NDUFAF2: variants seen among roughly 807,000 people sequenced by gnomAD.
NDUFAF2 encodes the protein NADH dehydrogenase [ubiquinone] 1 alpha subcomplex assembly factor 2.
In NDUFAF2, 13 loss-of-function variants were observed where a neutral mutation model predicts 22.8. The observed-to-expected ratio is 0.57, with a 90% CI of 0.37 to 0.91. The LOEUF is 0.91. Ranked by LOEUF, NDUFAF2 falls within the 40% of genes least tolerant of loss-of-function variation. The pLI is 0.01. For synonymous variants in NDUFAF2, 53 were observed against 64.2 expected (o/e 0.83, Z 0.84); for missense variants, 162 against 195.2 (o/e 0.83, Z 1.01).
rs150972394 is a variant in NDUFAF2 at position 60,956,585 on chromosome 5, T to C, written c.127+11203T>C. Among the ~76,000 whole-genome samples, 1,264 of 152,306 alleles carry C rather than the reference T, an allele frequency of 8.3e-3. 20 individuals are homozygous for C. Among genetic ancestry groups the C allele is most frequent in the African/African-American group, 0.029 (1,193 of 41,576 alleles). ...ACTGAATTTTGTTAAATGCGTTTCC[T>C]GCATCTATTGAGATGGTCATACAGT... is the stretch of plus-strand genomic sequence containing the variant. On this transcript the variant is annotated intron_variant, in intron 1 of 3. Transcript: ENST00000296597.
chr5:60,946,607 T>G (rs1210768892), intron 1 of NDUFAF2, among the ~76,000 whole-genome samples: 1 of 152,248 alleles, frequency 6.6e-6, no homozygotes, highest in Non-Finnish European at 1.5e-5. Context: ...TTCCATAAGT[T>G]GTCAGTAAAA....
chr5:61,047,033 G>A (rs1251889419), intron 1 of NDUFAF2, among the ~76,000 whole-genome samples: 1 of 152,096 alleles, frequency 6.6e-6, no homozygotes, highest in African/African-American at 2.4e-5. Flanking sequence ...GAGCGCTAGG[G>A]CTAATACGAA....
intron 1 of NDUFAF2, among the ~76,000 whole-genome samples, chr5:61,043,703 ATGTG>A (rs201326548): frequency 6.7e-4 from 88 of 131,796 alleles, no homozygotes; most frequent in African/African-American, 2.6e-3. Context: ...GTGTGTGTGT[ATGTG>A]TGTGTGTGTG....
At chr5:60,986,160 A>G (rs1004062640) in intron 1 of NDUFAF2, among the ~76,000 whole-genome samples, 1 of 152,202 alleles carries the variant, frequency 6.6e-6, no homozygotes, top group Non-Finnish European at 1.5e-5. Context: ...CCCAAAAGGA[A>G]GGAAATCAGT....
At chr5:61,037,364 A>G (rs936652397) in intron 1 of NDUFAF2, among the ~76,000 whole-genome samples, 24 of 152,220 alleles carry the variant, frequency 1.6e-4, no homozygotes, top group Non-Finnish European at 4.4e-5. Flanking sequence ...GGCTCAAAGT[A>G]CAATGAGTGT....
At chr5:61,007,960 T>C (rs1048648921) in intron 1 of NDUFAF2, among the ~76,000 whole-genome samples, 15 of 151,916 alleles carry the variant, frequency 9.9e-5, no homozygotes, top group African/African-American at 3.1e-4. Context: ...CACCATGGAA[T>C]ACTATGCAGC....
intron 2 of NDUFAF2, among the ~76,000 whole-genome samples, chr5:61,076,391 A>G (rs565346775): frequency 2.0e-5 from 3 of 152,314 alleles, no homozygotes; most frequent in Admixed American, 6.5e-5. Context: ...AGTTTTAAAT[A>G]GTGTTCAGAA....
In NDUFAF2 at chr5:60,984,341, A is replaced by T. The variant is rs747623284; in HGVS notation, c.127+38959A>T. Among the ~76,000 whole-genome samples, 56 of 152,250 alleles carry T rather than the reference A, an allele frequency of 3.7e-4. 1 individual carries two copies. The highest frequency in any genetic ancestry group is 1.2e-3 in the African/African-American group (48 of 41,548). ...CTAGATATACAATCATGTCATCTGC[A>T]AACAGGGACAATTTGACTTCCTCTT... On this transcript the variant is annotated intron_variant, in intron 1 of 3. Coordinates refer to ENST00000296597, the MANE Select transcript of NDUFAF2 (RefSeq NM_174889.5).
chr5:60,955,658 G>T (rs1750605866), intron 1 of NDUFAF2, among the ~76,000 whole-genome samples: 1 of 152,078 alleles, frequency 6.6e-6, no homozygotes, highest in Middle Eastern at 3.2e-3. Flanking sequence ...ATTGCTTTGG[G>T]TAGTATGAGC....
intron 1 of NDUFAF2, among the ~76,000 whole-genome samples, chr5:61,006,731 C>T (rs1263357469): frequency 6.6e-6 from 1 of 151,952 alleles, no homozygotes; most frequent in Non-Finnish European, 1.5e-5. Context: ...GTGTTTAAAA[C>T]ATAGCGTATT....
intron 1 of NDUFAF2, among the ~76,000 whole-genome samples, chr5:61,047,655 G>C (rs1468599024): frequency 6.6e-6 from 1 of 152,014 alleles, no homozygotes; most frequent in Non-Finnish European, 1.5e-5. Flanking sequence ...TTTAAACTGT[G>C]ATGAGACTCT....
Position 61,095,463 on chromosome 5 carries a change from C to T in NDUFAF2, c.218-3529C>T, listed in dbSNP as rs558892325. ...CCAGTGGGTCTTGTCCTTTGAGGCA[C>T]TGTGGAAGTGGGGCCTGCGGACCAT... On this transcript the variant is annotated intron_variant, in intron 2 of 3. Coordinates refer to ENST00000296597, the MANE Select transcript of NDUFAF2 (RefSeq NM_174889.5). 4.6e-5 allele frequency among the ~76,000 whole-genome samples: 7 copies of T among 152,340 alleles called. No individual in the cohort carries two copies. The South Asian group carries it at 1.2e-3, about 27-fold the overall frequency.
chr5:61,017,555 T>C (rs192412185), intron 1 of NDUFAF2, among the ~76,000 whole-genome samples: 1 of 152,248 alleles, frequency 6.6e-6, no homozygotes, highest in Admixed American at 6.5e-5. Context: ...ACCAGCCCGT[T>C]AGAACTGATT....
intron 1 of NDUFAF2, among the ~76,000 whole-genome samples, chr5:61,052,511 C>A (rs1482874857): frequency 2.0e-5 from 3 of 152,026 alleles, no homozygotes; most frequent in African/African-American, 7.2e-5. Flanking sequence ...GGGGTTTCAC[C>A]GTGTTAGCCA....
At chr5:60,974,859 A>C (rs911194947) in intron 1 of NDUFAF2, among the ~76,000 whole-genome samples, 1 of 152,148 alleles carries the variant, frequency 6.6e-6, no homozygotes, top group Non-Finnish European at 1.5e-5. Context: ...TGTGTTGCCC[A>C]GGCTAGAGTG....
At chr5:61,049,886 T>TAC (rs70977822) in intron 1 of NDUFAF2, among the ~76,000 whole-genome samples, 58,279 of 144,156 alleles carry the variant, frequency 0.4, 11,967 homozygotes, top group East Asian at 0.76. Flanking sequence ...ATTTAAATTA[T>TAC]ACACACACAC....
At chr5:61,035,037 A>T (rs1426244650) in intron 1 of NDUFAF2, among the ~76,000 whole-genome samples, 1 of 151,610 alleles carries the variant, frequency 6.6e-6, no homozygotes, top group Non-Finnish European at 1.5e-5. Flanking sequence ...TAAACATCTG[A>T]AAAGCTTAAC....
In NDUFAF2 at chr5:60,950,045, A is replaced by G. The variant is rs374319027; in HGVS notation, c.127+4663A>G. ...TGTGGATAGAGACAGTTTTGTTTTTATCCTTTCTAACTTATTTGCATTCTA... is the reference window on the plus strand; with the variant it reads ...TGTGGATAGAGACAGTTTTGTTTTTGTCCTTTCTAACTTATTTGCATTCTA... On this transcript the variant is annotated intron_variant, in intron 1 of 3. Coordinates refer to ENST00000296597, the MANE Select transcript of NDUFAF2 (RefSeq NM_174889.5). 7.9e-4 allele frequency among the ~76,000 whole-genome samples: 120 copies of G among 152,244 alleles called. 1 individual carries two copies. The highest frequency in any genetic ancestry group is 3.7e-3 in the South Asian group (18 of 4,818).
chr5:61,078,292 C>G (rs1256425348), intron 2 of NDUFAF2, among the ~76,000 whole-genome samples: 1 of 152,058 alleles, frequency 6.6e-6, no homozygotes, highest in African/African-American at 2.4e-5. Flanking sequence ...TAAGCTCAGT[C>G]AACATTTGTT....
Sources: allele counts gnomAD v4.1 joint callset (sites outside exome capture counted in the v4.1 genomes callset), GRCh38; gene constraint gnomAD v4.1.1; transcripts MANE v1.5; gene names NCBI Gene and HGNC (gene_info 2026-07-23, HGNC 2026-07-21).